PIK3R1: variants seen among roughly 807,000 people sequenced by gnomAD.
The protein encoded by PIK3R1 is phosphatidylinositol 3-kinase regulatory subunit alpha.
A neutral mutation model predicts 98.0 loss-of-function variants in PIK3R1; 29 were observed. That is an observed-to-expected ratio of 0.30 (90% CI 0.22 to 0.40). The LOEUF (loss-of-function observed/expected upper bound fraction) is 0.40. Among genes scored for constraint, PIK3R1 ranks in the 10% least tolerant of loss-of-function variants. The pLI, the probability that PIK3R1 is intolerant of heterozygous loss-of-function variation, is 1.00. For synonymous variants in PIK3R1, 282 were observed against 311.8 expected, an observed-to-expected ratio of 0.90 and a Z score of 1.01; for missense variants, 596 against 872.7, an observed-to-expected ratio of 0.68 and a Z score of 3.99.
intron 2 of PIK3R1, among the ~76,000 whole-genome samples, chr5:68,271,017 T>C (rs993513570): frequency 7.2e-5 from 11 of 152,238 alleles, no homozygotes; most frequent in African/African-American, 2.7e-4. Context: ...TACAGGGATT[T>C]GAGAGATGTC....
chr5:68,286,338 C>A (rs1188353682), intron 7 of PIK3R1, among the ~76,000 whole-genome samples: 1 of 152,154 alleles, frequency 6.6e-6, no homozygotes, highest in Non-Finnish European at 1.5e-5. Context: ...ACACTAGCAG[C>A]TTCGTGAAAA....
Position 68,290,772 on chromosome 5 carries a change from A to G in PIK3R1, c.917-1487A>G, listed in dbSNP as rs1747344781. ...AATATGGAAGACCTGGATTTAGAAT[A>G]TGCCAAGACAGATATAAATTGTGGC... On this transcript the variant is annotated intron_variant, in intron 7 of 15. Transcript: ENST00000521381. 4 of 1,613,648 alleles carry G rather than the reference A, an allele frequency of 2.5e-6. No individual in the cohort carries two copies. In the African/African-American group the frequency reaches 4.0e-5, roughly 16 times the overall value.
chr5:68,226,514 G>A lies in PIK3R1; in HGVS notation c.-162G>A. On this transcript the variant is annotated 5_prime_UTR_variant, in exon 2 of 16. Transcript: ENST00000521381. Reference sequence around the variant, plus strand: ...GGACAGATGGACAGCCGTATGGCCAGTCACCTCTCCTCTTAAACCTTTGGA... The same window carrying A: ...GGACAGATGGACAGCCGTATGGCCAATCACCTCTCCTCTTAAACCTTTGGA... The A allele has an allele frequency of 1.6e-6, 1 of 607,092 alleles. No individual in the cohort carries two copies. Among genetic ancestry groups the A allele is most frequent in the Admixed American group, 3.0e-5 (1 of 33,820 alleles). The allele number at this position is 607,092 out of a possible 1,614,324, so 37.6% of individuals were successfully genotyped here. A position where few individuals can be genotyped will look rare whatever the true frequency, so the allele number is the denominator to read the frequency against.
chr5:68,279,868 T>G, intron 5 of PIK3R1, 135 bp downstream of exon 5: 1 of 789,992 alleles, frequency 1.3e-6, no homozygotes, highest in Non-Finnish European at 2.0e-6. Flanking sequence ...CAATACCACC[T>G]CAAATTTCCT....
chr5:68,221,692 A>G (rs929943225), intron 1 of PIK3R1, among the ~76,000 whole-genome samples: 1 of 152,266 alleles, frequency 6.6e-6, no homozygotes, highest in Non-Finnish European at 1.5e-5. Context: ...GCTCTTTGCC[A>G]AAATGCCTAT....
intron 2 of PIK3R1, among the ~76,000 whole-genome samples, chr5:68,243,869 C>T (rs758993913): frequency 6.6e-6 from 1 of 152,184 alleles, no homozygotes; most frequent in Non-Finnish European, 1.5e-5. Flanking sequence ...CCTTAAGCTT[C>T]GTGGACAATT....
chr5:68,277,337 A>G (rs1746619210), intron 4 of PIK3R1, among the ~76,000 whole-genome samples: 1 of 152,208 alleles, frequency 6.6e-6, no homozygotes, highest in East Asian at 1.9e-4. Flanking sequence ...AGGATCTACT[A>G]CAGTGGTATT....
intron 7 of PIK3R1, chr5:68,288,785 C>T: frequency 1.9e-6 from 3 of 1,598,456 alleles, no homozygotes; most frequent in Non-Finnish European, 2.6e-6. Flanking sequence ...CTTCTCTGTT[C>T]CTTATCTGAG....
intron 2 of PIK3R1, among the ~76,000 whole-genome samples, chr5:68,244,518 C>CCCCCT (rs1554046314): frequency 3.5e-5 from 1 of 28,974 alleles, no homozygotes; most frequent in Non-Finnish European, 7.0e-5. Context: ...TAGGACCGCC[C>CCCCCT]CCCCGCCCCC....
At chr5:68,267,986 T>A (rs1225209794) in intron 2 of PIK3R1, among the ~76,000 whole-genome samples, 1 of 152,152 alleles carries the variant, frequency 6.6e-6, no homozygotes, top group Non-Finnish European at 1.5e-5. Flanking sequence ...GGTATTTCCA[T>A]AATCTAAACA....
At chr5:68,262,374 T>C (rs1745790903) in intron 2 of PIK3R1, among the ~76,000 whole-genome samples, 1 of 124,868 alleles carries the variant, frequency 8.0e-6, no homozygotes, top group Non-Finnish European at 1.6e-5. Context: ...ACCAGGCTTC[T>C]TTCTATAATT....
At chr5:68,281,393 T>C (rs1191304817) in intron 7 of PIK3R1, among the ~76,000 whole-genome samples, 1 of 152,202 alleles carries the variant, frequency 6.6e-6, no homozygotes, top group East Asian at 1.9e-4. Flanking sequence ...TTTTAGAATG[T>C]GTTTTTTGGA....
intron 7 of PIK3R1, among the ~76,000 whole-genome samples, chr5:68,285,526 C>T (rs1328553366): frequency 2.6e-5 from 4 of 152,188 alleles, no homozygotes; most frequent in South Asian, 4.1e-4. Flanking sequence ...TAGAACTAAA[C>T]GGGCAAGCCA....
chr5:68,226,572 T>A lies in PIK3R1; in HGVS notation c.-104T>A. ...CCTTTGTCCTCTGCTGGACACATAATAGGAATTCTAACACATTCTCTGAAT... is the reference window on the plus strand; with the variant it reads ...CCTTTGTCCTCTGCTGGACACATAAAAGGAATTCTAACACATTCTCTGAAT... On this transcript the variant is annotated 5_prime_UTR_variant, in exon 2 of 16. Transcript: ENST00000521381. 1 of 925,082 alleles carries A rather than the reference T, an allele frequency of 1.1e-6. No individual in the cohort carries two copies. Among genetic ancestry groups the A allele is most frequent in the East Asian group, 2.5e-5 (1 of 39,296 alleles). The allele number at this position is 925,082 out of a possible 1,614,324, so 57.3% of individuals were successfully genotyped here.
intron 1 of PIK3R1, chr5:68,217,653 T>TGCGC (rs1299298712): frequency 8.4e-4 from 125 of 149,394 alleles, no homozygotes; most frequent in African/African-American, 2.5e-3. Context: ...TGTGTGTGTG[T>TGCGC]GCGCGCGCGT....
chr5:68,257,719 G>T (rs1312654834), intron 2 of PIK3R1, among the ~76,000 whole-genome samples: 1 of 152,092 alleles, frequency 6.6e-6, no homozygotes, highest in Non-Finnish European at 1.5e-5. Flanking sequence ...TTAATTCCCT[G>T]TCCTCTCCTC....
chr5:68,240,935 T>C (rs1744850871), intron 2 of PIK3R1, among the ~76,000 whole-genome samples: 1 of 152,202 alleles, frequency 6.6e-6, no homozygotes, highest in Non-Finnish European at 1.5e-5. Flanking sequence ...TCATTCTATT[T>C]TCTAGTGAGG....
rs1745031873 is a variant in PIK3R1 at position 68,245,095 on chromosome 5, A to G, written c.334+18086A>G. Among the ~76,000 whole-genome samples, 3 of 152,242 alleles carry G rather than the reference A, an allele frequency of 2.0e-5. No homozygotes were observed. The South Asian group carries it at 6.2e-4, about 31-fold the overall frequency. On this transcript the variant is annotated intron_variant, in intron 2 of 15. Transcript: ENST00000521381. The stretch of plus-strand genomic sequence containing the variant: ...CTTCAAAAGGACGAAATAGATTTCA[A>G]CATTGGAAAAGAATACAGTATAGAA...
chr5:68,246,598 C>T (rs1561268756), intron 2 of PIK3R1, among the ~76,000 whole-genome samples: 1 of 152,172 alleles, frequency 6.6e-6, no homozygotes, highest in African/African-American at 2.4e-5. Context: ...CAGGCGTGAG[C>T]CACCGCGCCC....
Sources: gnomAD v4.1 joint callset for allele counts (sites outside exome capture counted in the v4.1 genomes callset) on GRCh38, gnomAD v4.1.1 for gene constraint, MANE v1.5 for transcripts, NCBI Gene and HGNC (gene_info 2026-07-23, HGNC 2026-07-21) for gene names.